Variants in COL3A1 observed in about 807,000 individuals in gnomAD.
The protein encoded by COL3A1 is collagen type III alpha 1 chain.
A neutral mutation model predicts 200.9 loss-of-function variants in COL3A1; 46 were observed. The observed-to-expected ratio is 0.23, with a 90% confidence interval of 0.18 to 0.29. The LOEUF (loss-of-function observed/expected upper bound fraction) is 0.29. Ranked by LOEUF, COL3A1 falls within the 10% of genes least tolerant of loss-of-function variation. COL3A1 has a pLI of 1.00. For synonymous variants in COL3A1, 650 were observed against 628.0 expected (o/e 1.03, Z -0.52); for missense variants, 1,367 against 1,917.6 (o/e 0.71, Z 5.36).
At chr2:189,006,793 A>C in intron 43 of COL3A1, 144 bp from the exon 44 acceptor site, 2 of 923,918 alleles carry the variant, frequency 2.2e-6, no homozygotes, top group Non-Finnish European at 3.4e-6. Flanking sequence ...AGCACTTTGA[A>C]GGCAAAAACA....
intron 45 of COL3A1, 120 bp downstream of exon 45, chr2:189,007,727 G>C (rs1028558190): frequency 8.0e-7 from 1 of 1,250,772 alleles, no homozygotes; most frequent in Admixed American, 1.9e-5. Flanking sequence ...GGATTTGAAG[G>C]CTAATTTGAA....
chr2:189,011,617 C>CT lies in COL3A1; in HGVS notation c.4255-5dup, dbSNP rs756502242. On this transcript the variant is annotated splice_polypyrimidine_tract_variant and intron_variant, in intron 50 of 50. Coordinates refer to ENST00000304636, the MANE Select transcript of COL3A1 (RefSeq NM_000090.4). ...ATGTCATGATCATGTACATTTTGTCCTTTTTTACAGAAACACACTGGGGAA... is the reference window on the plus strand; with the variant it reads ...ATGTCATGATCATGTACATTTTGTCCTTTTTTTACAGAAACACACTGGGGAA... The CT allele has an allele frequency of 6.2e-7, 1 of 1,613,728 alleles. No individual in the cohort carries two copies.
At position 188,983,680 on chromosome 2, in the gene COL3A1, A is replaced by T. The variant is rs1020014725; in HGVS notation, c.80-1080A>T. ...CGGTAGCAGGCCTCTTTCAATAGAC[A>T]TTTTAAATATCTTGGCTTTGAGAAA... is the stretch of plus-strand genomic sequence containing the variant. On this transcript the variant is annotated intron_variant, in intron 1 of 50. Transcript: ENST00000304636. 2.0e-5 allele frequency among the ~76,000 whole-genome samples: 3 copies of T among 152,052 alleles called. No individual in the cohort carries two copies. The East Asian group carries it at 5.8e-4, about 29-fold the overall frequency.
chr2:189,010,110 TA>T, intron 48 of COL3A1, 67 bp from the exon 49 acceptor site: 1 of 1,503,378 alleles, frequency 6.7e-7, no homozygotes, highest in Non-Finnish European at 9.2e-7. Flanking sequence ...CCTTTACAGG[TA>T]AACAAACAAA....
Position 188,991,481 on chromosome 2 carries a change from A to G in COL3A1, c.853-6A>G. The stretch of plus-strand genomic sequence containing the variant: ...TAAAATAGTAACATATTTTATATGT[A>G]TCTAGGGTGAAAATGGTCTTCCAGG... On this transcript the variant is annotated splice_region_variant and splice_polypyrimidine_tract_variant and intron_variant, in intron 11 of 50. Transcript: ENST00000304636. 6.3e-7 allele frequency: 1 copy of G among 1,587,030 alleles called. No individual in the cohort carries two copies. Among genetic ancestry groups the G allele is most frequent in the Non-Finnish European group, 8.6e-7 (1 of 1,156,412 alleles).
chr2:188,996,011 G>A, intron 22 of COL3A1, 114 bp from the exon 23 acceptor site: 1 of 1,096,978 alleles, frequency 9.1e-7, no homozygotes, highest in East Asian at 2.5e-5. Flanking sequence ...AAAAAGATGT[G>A]CAAATCTGAG....
intron 1 of COL3A1, among the ~76,000 whole-genome samples, chr2:188,976,577 A>G (rs916743976): frequency 2.0e-5 from 3 of 152,138 alleles, no homozygotes; most frequent in Admixed American, 2.0e-4. Context: ...AGGTATCTGA[A>G]TATACAGCAC....
At position 189,003,978 on chromosome 2, in the gene COL3A1, G is replaced by T; in HGVS notation, c.2662-4G>T. The T allele has an allele frequency of 6.2e-7, 1 of 1,606,712 alleles. No individual in the cohort carries two copies. The highest frequency in any genetic ancestry group is 1.9e-4 in the Middle Eastern group (1 of 5,352). On this transcript the variant is annotated splice_polypyrimidine_tract_variant and splice_region_variant and intron_variant, in intron 38 of 50. Transcript: ENST00000304636. Reference sequence around the variant, plus strand: ...ATATTCAAATTTCAAACAATTATTTGTAGGGTAACCCAGGACCCCCAGGTC... The same window carrying T: ...ATATTCAAATTTCAAACAATTATTTTTAGGGTAACCCAGGACCCCCAGGTC...
At chr2:189,005,265 T>TA in intron 40 of COL3A1, 85 bp from the exon 41 acceptor site, 2 of 1,248,260 alleles carry the variant, frequency 1.6e-6, no homozygotes, top group Non-Finnish European at 2.3e-6. Context: ...ATAAGTTTTT[T>TA]ACCTGAAAAT....
intron 45 of COL3A1, 131 bp from the exon 46 acceptor site, chr2:189,007,754 C>A: frequency 8.0e-7 from 1 of 1,257,616 alleles, no homozygotes; most frequent in Non-Finnish European, 1.2e-6. Context: ...ATCAGCATGA[C>A]ACAATGGGAA....
At chr2:189,008,597 C>G (rs1688648765) in intron 47 of COL3A1, 1 of 446,688 alleles carries the variant, frequency 2.2e-6, no homozygotes. Flanking sequence ...ACAAATTACA[C>G]TCCCCTCTGT....
At position 189,010,362 on chromosome 2, in the gene COL3A1, T is replaced by C. The variant is rs1322251990; in HGVS notation, c.4008T>C (p.Phe1336=). Residue 1336 remains phenylalanine, a synonymous_variant, in exon 49 of 51, where the codon TTT becomes TTC. Transcript: ENST00000304636. The part of the protein sequence containing the change: ...VWFGESMDGG[F]QFSYGNPELP... Reference sequence around the variant, plus strand: ...TTGGAGAGTCCATGGATGGTGGTTTTCAGGTAGGAAAGGATATACCTTTTT... The same window carrying C: ...TTGGAGAGTCCATGGATGGTGGTTTCCAGGTAGGAAAGGATATACCTTTTT... 6.2e-7 allele frequency: 1 copy of C among 1,614,142 alleles called. No individual in the cohort carries two copies. The highest frequency in any genetic ancestry group is 1.1e-5 in the South Asian group (1 of 91,088).
chr2:189,005,119 T>C (rs1053416146), intron 40 of COL3A1, among the ~76,000 whole-genome samples: 1 of 152,192 alleles, frequency 6.6e-6, no homozygotes, highest in African/African-American at 2.4e-5. Flanking sequence ...CTGAATTAGA[T>C]AATCAATGTA....
Position 188,990,376 on chromosome 2 carries a change from A to G in COL3A1, c.798+16A>G, listed in dbSNP as rs1166637947. 2.5e-6 allele frequency: 4 copies of G among 1,610,716 alleles called. No homozygotes were observed. Among genetic ancestry groups the G allele is most frequent in the Non-Finnish European group, 2.5e-6 (3 of 1,177,390 alleles). On this transcript the variant is annotated intron_variant, in intron 10 of 50. Transcript: ENST00000304636. ...AGGACACAGAGTAAGTAGAGTTTCTAAGTTGTTTACAAGGTATTCCACTGG... is the reference window on the plus strand; with the variant it reads ...AGGACACAGAGTAAGTAGAGTTTCTGAGTTGTTTACAAGGTATTCCACTGG...
Position 188,992,884 on chromosome 2 carries a change from C to T in COL3A1, c.997-3C>T. 1 of 1,613,718 alleles carries T rather than the reference C, an allele frequency of 6.2e-7. No homozygotes were observed. The highest frequency in any genetic ancestry group is 8.5e-7 in the Non-Finnish European group (1 of 1,179,788). On this transcript the variant is annotated splice_polypyrimidine_tract_variant and splice_region_variant and intron_variant, in intron 14 of 50. Coordinates refer to ENST00000304636, the MANE Select transcript of COL3A1 (RefSeq NM_000090.4). The stretch of plus-strand genomic sequence containing the variant: ...CTCTTGAAATTGTATTTAATTTTTT[C>T]AGGGCCCTCCTGGTCCTCCTGGAAC...
At chr2:188,984,681 T>C (rs1443305942) in intron 1 of COL3A1, 79 bp from the exon 2 acceptor site, 2 of 1,279,112 alleles carry the variant, frequency 1.6e-6, no homozygotes, top group Non-Finnish European at 2.3e-6. Flanking sequence ...TGGCTATTGT[T>C]AATAGTCCTA....
At chr2:189,002,633 G>A (rs1688493332) in intron 35 of COL3A1, among the ~76,000 whole-genome samples, 1 of 152,038 alleles carries the variant, frequency 6.6e-6, no homozygotes, top group Non-Finnish European at 1.5e-5. Flanking sequence ...ATTATAAGAT[G>A]GTACTAATTA....
chr2:188,998,411 T>C (rs1410027012), intron 28 of COL3A1, 92 bp downstream of exon 28: 2 of 1,152,870 alleles, frequency 1.7e-6, no homozygotes, highest in Non-Finnish European at 2.6e-6. Context: ...TCTTATGCCA[T>C]GATATTTGAG....
In COL3A1 at chr2:189,003,287, A is replaced by G. The variant is rs189084377; in HGVS notation, c.2554-124A>G. The G allele has an allele frequency of 9.8e-5, 83 of 844,450 alleles. 1 individual carries two copies. In the African/African-American group the frequency reaches 1.3e-3, roughly 13 times the overall value. The allele number at this position is 844,450 out of a possible 1,614,324, so 52.3% of individuals were successfully genotyped here. ...TGAATATAGTCCAAGTATGAATCTC[A>G]GCACCAGCAATCTAAAAGTTATTTT... is the stretch of plus-strand genomic sequence containing the variant. On this transcript the variant is annotated intron_variant, in intron 36 of 50. Transcript: ENST00000304636.
Sources: gnomAD v4.1 joint callset for allele counts (sites outside exome capture counted in the v4.1 genomes callset) on GRCh38, gnomAD v4.1.1 for gene constraint, MANE v1.5 for transcripts, NCBI Gene and HGNC (gene_info 2026-07-23, HGNC 2026-07-21) for gene names.